The following GPC6 variants were observed in gnomAD, a reference collection of about 807,000 sequenced individuals.
GPC6 encodes glypican 6, also known as glypican-6.
GPC6 carries 14 observed loss-of-function variants against 55.2 expected under a neutral mutation model. That is an observed-to-expected ratio of 0.25 (90% CI 0.17 to 0.40). The LOEUF (loss-of-function observed/expected upper bound fraction) is 0.40, where lower values mean the gene tolerates loss of function less well. GPC6 is among the 10% of genes least tolerant of loss of function. The pLI is 1.00. For missense variants in GPC6, 641 were observed against 708.5 expected (o/e 0.90, Z 1.08); for synonymous variants, 278 against 259.6 (o/e 1.07, Z -0.68).
intron 2 of GPC6, among the ~76,000 whole-genome samples, chr13:93,823,047 TAG>T (rs1040462039): frequency 6.6e-6 from 1 of 151,414 alleles, no homozygotes; most frequent in African/African-American, 2.4e-5. Flanking sequence ...GTATTTTTAG[TAG>T]AGACAGGGTT....
At chr13:93,535,889 A>G (rs931753811) in intron 1 of GPC6, among the ~76,000 whole-genome samples, 1 of 152,158 alleles carries the variant, frequency 6.6e-6, no homozygotes, top group African/African-American at 2.4e-5. Flanking sequence ...TCAGCCACAC[A>G]TTCAGACATT....
chr13:93,509,096 TG>T (rs1301817016), intron 1 of GPC6, among the ~76,000 whole-genome samples: 1 of 152,064 alleles, frequency 6.6e-6, no homozygotes, highest in East Asian at 1.9e-4. Flanking sequence ...ACATACCAGT[TG>T]GGGTGAACAG....
chr13:93,980,130 A>G (rs1880727550), intron 3 of GPC6, among the ~76,000 whole-genome samples: 1 of 152,118 alleles, frequency 6.6e-6, no homozygotes, highest in Non-Finnish European at 1.5e-5. Context: ...CAACACTTCC[A>G]TAAAATCCAC....
intron 5 of GPC6, among the ~76,000 whole-genome samples, chr13:94,299,647 C>A (rs1875536771): frequency 6.6e-6 from 1 of 152,166 alleles, no homozygotes; most frequent in Non-Finnish European, 1.5e-5. Flanking sequence ...AAGCAGAGGG[C>A]CCTCGCCAGA....
intron 3 of GPC6, among the ~76,000 whole-genome samples, chr13:93,861,295 G>A (rs1212133491): frequency 2.0e-5 from 3 of 151,042 alleles, no homozygotes; most frequent in African/African-American, 4.9e-5. Flanking sequence ...GACACTGCAT[G>A]TTTTGTGAAT....
intron 4 of GPC6, among the ~76,000 whole-genome samples, chr13:94,173,531 G>A (rs1888645719): frequency 6.6e-6 from 1 of 152,144 alleles, no homozygotes; most frequent in Non-Finnish European, 1.5e-5. Context: ...CCTCAAGGGA[G>A]CACTTACAAG....
intron 1 of GPC6, among the ~76,000 whole-genome samples, chr13:93,360,422 C>T (rs1322410446): frequency 6.6e-6 from 1 of 152,014 alleles, no homozygotes; most frequent in Non-Finnish European, 1.5e-5. Context: ...AGAGGCATGT[C>T]ACAAAAAGCA....
intron 4 of GPC6, among the ~76,000 whole-genome samples, chr13:94,064,108 C>T (rs1295269742): frequency 1.1e-4 from 17 of 152,120 alleles, no homozygotes; most frequent in Admixed American, 1.1e-3. Context: ...AGCTTTCACT[C>T]CTACTGTGTT....
chr13:94,281,122 T>C (rs1892367407), intron 4 of GPC6, among the ~76,000 whole-genome samples: 2 of 152,210 alleles, frequency 1.3e-5, no homozygotes, highest in Admixed American at 6.5e-5. Flanking sequence ...TTGAGCTTAT[T>C]TGAATTGAGT....
chr13:94,363,303 T>G (rs1238348796), intron 6 of GPC6, among the ~76,000 whole-genome samples: 2 of 152,148 alleles, frequency 1.3e-5, no homozygotes, highest in Non-Finnish European at 2.9e-5. Flanking sequence ...AAAATTTTGA[T>G]GGCTGTCACA....
At chr13:94,159,019 T>C (rs1160988914) in intron 4 of GPC6, among the ~76,000 whole-genome samples, 2 of 152,144 alleles carry the variant, frequency 1.3e-5, no homozygotes, top group Admixed American at 1.3e-4. Context: ...TATGTACTAG[T>C]GCTTTCCTCC....
chr13:93,639,891 A>G (rs1313716616), intron 2 of GPC6, among the ~76,000 whole-genome samples: 6 of 152,090 alleles, frequency 3.9e-5, no homozygotes, highest in Non-Finnish European at 8.8e-5. Flanking sequence ...TAGACAACAA[A>G]CCACTGTAGA....
Position 93,304,861 on chromosome 13 carries a change from G to T in GPC6, c.160+77245G>T, listed in dbSNP as rs1234364931. Among the ~76,000 whole-genome samples the T allele has an allele frequency of 5.3e-5, 8 of 152,156 alleles. 1 individual carries two copies. The highest frequency in any genetic ancestry group is 1.2e-4 in the Non-Finnish European group (8 of 68,022). Reference sequence around the variant, plus strand: ...GGGTGGGGGATTCTGATTAAAATTGGCTGAAGAGGGAGTCTTTGTCTATAC... The same window carrying T: ...GGGTGGGGGATTCTGATTAAAATTGTCTGAAGAGGGAGTCTTTGTCTATAC... On this transcript the variant is annotated intron_variant, in intron 1 of 8. Transcript: ENST00000377047.
intron 2 of GPC6, among the ~76,000 whole-genome samples, chr13:93,680,526 C>T (rs752856469): frequency 1.8e-4 from 28 of 152,104 alleles, no homozygotes; most frequent in Non-Finnish European, 3.2e-4. Context: ...ATGTGAAGTA[C>T]GCAGAGAGAT....
intron 4 of GPC6, among the ~76,000 whole-genome samples, chr13:94,159,381 G>T (rs114935330): frequency 6.6e-6 from 1 of 152,146 alleles, no homozygotes; most frequent in Non-Finnish European, 1.5e-5. Flanking sequence ...ACAGCTCCAC[G>T]TGGTTGGGGA....
intron 4 of GPC6, among the ~76,000 whole-genome samples, chr13:94,061,366 A>G (rs980886193): frequency 6.6e-6 from 1 of 152,204 alleles, no homozygotes; most frequent in African/African-American, 2.4e-5. Flanking sequence ...CAAGACAAGA[A>G]AGCAGTTTTC....
At chr13:93,439,190 G>A (rs1008683277) in intron 1 of GPC6, among the ~76,000 whole-genome samples, 4 of 152,040 alleles carry the variant, frequency 2.6e-5, no homozygotes, top group African/African-American at 4.8e-5. Context: ...TGTAATATTC[G>A]TTTTATTGCA....
chr13:94,268,029 G>A (rs181492922), intron 4 of GPC6, among the ~76,000 whole-genome samples: 1 of 152,186 alleles, frequency 6.6e-6, no homozygotes, highest in Admixed American at 6.5e-5. Context: ...TTGCTAAACT[G>A]CAACTTCAAA....
intron 4 of GPC6, among the ~76,000 whole-genome samples, chr13:94,084,328 C>G (rs1015679775): frequency 2.0e-5 from 3 of 152,192 alleles, no homozygotes; most frequent in South Asian, 4.1e-4. Flanking sequence ...TGTGCTTCTC[C>G]CTTCTACACA....
Sources: allele counts gnomAD v4.1 joint callset (sites outside exome capture counted in the v4.1 genomes callset), GRCh38; gene constraint gnomAD v4.1.1; transcripts MANE v1.5; gene names NCBI Gene and HGNC (gene_info 2026-07-23, HGNC 2026-07-21).